Variants in RFTN2 observed in about 807,000 individuals in gnomAD.
The protein encoded by RFTN2 is raftlin-2.
RFTN2 carries 34 observed loss-of-function variants against 52.7 expected under a neutral mutation model. The observed-to-expected ratio is 0.64, with a 90% CI of 0.49 to 0.86. The LOEUF is 0.86. RFTN2 is among the 40% of genes least tolerant of loss of function. The pLI is 0.00. For missense variants in RFTN2, 536 were observed against 600.1 expected, an observed-to-expected ratio of 0.89 and a Z score of 1.12; for synonymous variants, 203 against 217.7, an observed-to-expected ratio of 0.93 and a Z score of 0.59.
intron 5 of RFTN2, among the ~76,000 whole-genome samples, chr2:197,622,674 G>A (rs2088287768): frequency 6.6e-6 from 1 of 152,212 alleles, no homozygotes; most frequent in Admixed American, 6.5e-5. Flanking sequence ...GACTTTCATT[G>A]CTAGAGAGGA....
In RFTN2 at chr2:197,654,864, GT is replaced by G. The variant is rs377764383; in HGVS notation, c.140-8199del. Among the ~76,000 whole-genome samples, 996 of 152,130 alleles carry G rather than the reference GT, an allele frequency of 6.5e-3. 9 individuals are homozygous for G. The highest frequency in any genetic ancestry group is 0.017 in the South Asian group (80 of 4,812). On this transcript the variant is annotated intron_variant, in intron 1 of 8. Coordinates refer to ENST00000295049, the MANE Select transcript of RFTN2 (RefSeq NM_144629.3). Reference sequence around the variant, plus strand: ...AATATAAAATTAGCCTGGAGTGGTGGTGCATGCCTGTAATCCCACTTACTCT... The same window carrying G: ...AATATAAAATTAGCCTGGAGTGGTGGGCATGCCTGTAATCCCACTTACTCT...
chr2:197,642,447 TAA>T (rs1460838131), intron 3 of RFTN2, among the ~76,000 whole-genome samples: 1 of 152,252 alleles, frequency 6.6e-6, no homozygotes, highest in Non-Finnish European at 1.5e-5. Context: ...ACTTTTCATT[TAA>T]GTTTCAATTA....
chr2:197,618,116 C>G (rs952561831), intron 5 of RFTN2, 195 bp from the exon 6 acceptor site: 5 of 282,832 alleles, frequency 1.8e-5, no homozygotes, highest in South Asian at 4.1e-5. Flanking sequence ...TCTCTTTCCA[C>G]GGTCTCCCTC....
chr2:197,624,939 A>T (rs1386176702), intron 5 of RFTN2, among the ~76,000 whole-genome samples: 1 of 152,024 alleles, frequency 6.6e-6, no homozygotes, highest in African/African-American at 2.4e-5. Context: ...ACAGGGCGAG[A>T]CTCTATCCCC....
intron 1 of RFTN2, among the ~76,000 whole-genome samples, chr2:197,659,477 T>TAAAAA (rs55804577): frequency 4.2e-5 from 4 of 94,698 alleles, no homozygotes; most frequent in Non-Finnish European, 6.1e-5. Flanking sequence ...CTCCATCTCA[T>TAAAAA]AAAAAAAAAA....
At chr2:197,595,393 T>C (rs1418436808) in intron 8 of RFTN2, among the ~76,000 whole-genome samples, 2 of 152,222 alleles carry the variant, frequency 1.3e-5, no homozygotes, top group Non-Finnish European at 2.9e-5. Context: ...ATGCACACAG[T>C]CTTTTCACAG....
intron 8 of RFTN2, among the ~76,000 whole-genome samples, chr2:197,576,071 C>T (rs2087414508): frequency 6.6e-6 from 1 of 151,456 alleles, no homozygotes; most frequent in African/African-American, 2.4e-5. Context: ...TGCGGTGGTG[C>T]AATCCCAGCA....
chr2:197,601,261 G>A (rs751082285), intron 7 of RFTN2, among the ~76,000 whole-genome samples: 6 of 152,184 alleles, frequency 3.9e-5, no homozygotes, highest in Non-Finnish European at 7.4e-5. Flanking sequence ...CTATGTGAAT[G>A]TCATTTGAGG....
At position 197,618,568 on chromosome 2, in the gene RFTN2, C is replaced by G. The variant is rs1287571511; in HGVS notation, c.929-647G>C. 4.9e-3 allele frequency among the ~76,000 whole-genome samples: 740 copies of G among 150,758 alleles called. 8 individuals are homozygous for G. Among genetic ancestry groups the G allele is most frequent in the African/African-American group, 0.017 (685 of 40,956 alleles). ...GCCCATCGTCTGGGATGTGAGGAGC[C>G]CCTCTGCCTGGCTGCCCAGTCTGGA... On this transcript the variant is annotated intron_variant, in intron 5 of 8. Transcript: ENST00000295049.
intron 7 of RFTN2, among the ~76,000 whole-genome samples, chr2:197,598,543 A>C (rs1194570633): frequency 6.6e-6 from 1 of 152,048 alleles, no homozygotes; most frequent in Non-Finnish European, 1.5e-5. Context: ...ATTGTTGGAG[A>C]CCTTACAGGG....
chr2:197,605,353 C>A (rs2106198108), intron 7 of RFTN2, among the ~76,000 whole-genome samples: 1 of 152,032 alleles, frequency 6.6e-6, no homozygotes, highest in East Asian at 1.9e-4. Context: ...GTAGCTGGGA[C>A]TACAGGCGCC....
intron 1 of RFTN2, among the ~76,000 whole-genome samples, chr2:197,663,484 A>G (rs2089007077): frequency 6.6e-6 from 1 of 152,162 alleles, no homozygotes; most frequent in East Asian, 1.9e-4. Context: ...GAGACTTTTC[A>G]TTACTGATTT....
At chr2:197,585,448 T>A (rs1331439484) in intron 8 of RFTN2, among the ~76,000 whole-genome samples, 1 of 152,142 alleles carries the variant, frequency 6.6e-6, no homozygotes, top group East Asian at 1.9e-4. Flanking sequence ...AAGTCTCTCT[T>A]AAGGTGAATA....
At chr2:197,623,708 C>T (rs2088305379) in intron 5 of RFTN2, among the ~76,000 whole-genome samples, 1 of 152,048 alleles carries the variant, frequency 6.6e-6, no homozygotes, top group African/African-American at 2.4e-5. Context: ...CTTTGGTTGC[C>T]CAGGCTGGAG....
In RFTN2 at chr2:197,571,871, T is replaced by C. The variant is rs2106155739; in HGVS notation, c.*137A>G. 1 of 800,590 alleles carries C rather than the reference T, an allele frequency of 1.2e-6. No individual in the cohort carries two copies. Among genetic ancestry groups the C allele is most frequent in the Admixed American group, 2.8e-5 (1 of 35,404 alleles). 49.6% of individuals were successfully genotyped at this position (800,590 alleles called of 1,614,324 possible). A position where few individuals can be genotyped will look rare whatever the true frequency, so the allele number is the denominator to read the frequency against. The stretch of plus-strand genomic sequence containing the variant: ...TTGTCTGGGAGGTTGTGCCAAAGTT[T>C]ACATAGATTAGAGGAAAGGCTGGGT... On this transcript the variant is annotated 3_prime_UTR_variant, in exon 9 of 9. Coordinates refer to ENST00000295049, the MANE Select transcript of RFTN2 (RefSeq NM_144629.3).
rs568558793 is a variant in RFTN2, at chr2:197,620,459, AGCTCTCT to A, written c.929-2545_929-2539del. On this transcript the variant is annotated intron_variant, in intron 5 of 8. Transcript: ENST00000295049. ...TCACATTAAAGTTTCCCTGGTTGAC[AGCTCTCT>A]AAATTCTAAAGGCCTGCAAACTTTT... Among the ~76,000 whole-genome samples the A allele has an allele frequency of 3.7e-3, 565 of 152,368 alleles. 3 individuals carry two copies. Among genetic ancestry groups the A allele is most frequent in the African/African-American group, 0.013 (541 of 41,594 alleles).
chr2:197,618,301 T>C (rs1417265055), intron 5 of RFTN2, among the ~76,000 whole-genome samples: 6 of 152,162 alleles, frequency 3.9e-5, no homozygotes, highest in Admixed American at 1.3e-4. Flanking sequence ...TTGGCCGGGC[T>C]GGTCTCCAGC....
intron 3 of RFTN2, among the ~76,000 whole-genome samples, chr2:197,634,990 C>A (rs976172641): frequency 9.3e-6 from 1 of 107,348 alleles, no homozygotes; most frequent in Non-Finnish European, 2.0e-5. Flanking sequence ...TGCGGTGTTT[C>A]GTTTTTTGTT....
At chr2:197,594,235 T>C (rs1301231848) in intron 8 of RFTN2, among the ~76,000 whole-genome samples, 1 of 151,788 alleles carries the variant, frequency 6.6e-6, no homozygotes, top group Non-Finnish European at 1.5e-5. Context: ...AGGATGGTCT[T>C]GATCTCTTGA....
Sources: allele counts gnomAD v4.1 joint callset (sites outside exome capture counted in the v4.1 genomes callset), GRCh38; gene constraint gnomAD v4.1.1; transcripts MANE v1.5; gene names NCBI Gene and HGNC (gene_info 2026-07-23, HGNC 2026-07-21).